The following PTGIS variants were observed in gnomAD, a reference collection of about 807,000 sequenced individuals.
PTGIS encodes the protein prostaglandin I2 synthase.
In PTGIS, 45 loss-of-function variants were observed where a neutral mutation model predicts 50.3. That is an observed-to-expected ratio of 0.90 (90% CI 0.70 to 1.15). The LOEUF (loss-of-function observed/expected upper bound fraction) is 1.15, where lower values mean the gene tolerates loss of function less well. Among genes scored for constraint, PTGIS ranks in the 50% most tolerant of loss-of-function variants. The pLI, the probability that PTGIS is intolerant of heterozygous loss-of-function variation, is 0.00. For synonymous variants in PTGIS, 260 were observed against 267.7 expected (o/e 0.97, Z 0.28); for missense variants, 668 against 661.3 (o/e 1.01, Z -0.11).
chr20:49,559,581 T>C (rs1982712943), intron 1 of PTGIS, among the ~76,000 whole-genome samples: 1 of 152,168 alleles, frequency 6.6e-6, no homozygotes, highest in Non-Finnish European at 1.5e-5. Context: ...ATAAACAGAA[T>C]GTGGTGTATC....
At position 49,508,081 on chromosome 20, in the gene PTGIS, T is replaced by C. The variant is rs1443928900; in HGVS notation, c.1359-17A>G. The C allele has an allele frequency of 6.2e-6, 10 of 1,613,090 alleles. No homozygotes were observed. The highest frequency in any genetic ancestry group is 3.3e-5 in the Admixed American group (2 of 59,992). On this transcript the variant is annotated splice_polypyrimidine_tract_variant and intron_variant, in intron 9 of 9. Transcript: ENST00000244043. ...AACACAAATCTGCAGAGAGATGGCA[T>C]GGAAGGTGTGAAGGAGAGGAGTAGG...
intron 1 of PTGIS, among the ~76,000 whole-genome samples, chr20:49,567,461 G>A (rs1982928603): frequency 6.6e-6 from 1 of 152,186 alleles, no homozygotes; most frequent in African/African-American, 2.4e-5. Flanking sequence ...TCTTCCAGAC[G>A]GGGAATCCCG....
In PTGIS at chr20:49,513,084, G is replaced by A. The variant is rs774234578; in HGVS notation, c.1202C>T (p.Pro401Leu). 2.5e-6 allele frequency: 4 copies of A among 1,614,136 alleles called. No homozygotes were observed. In the South Asian group the frequency reaches 4.4e-5, roughly 18 times the overall value. Residue 401 changes from proline (P) to leucine (L), a missense_variant, in exon 8 of 10, where the codon CCA (proline) becomes CTA (leucine). Pro to Leu is a moderately conservative substitution (Grantham distance 98, BLOSUM62 -3). Coordinates refer to ENST00000244043, the MANE Select transcript of PTGIS (RefSeq NM_000961.4). ...PQRDPEIYTD[P>L]EVFKYNRFLN... ...CCAGGCGCCCCTGCCATTTACCTCT[G>A]GGTCTGTGTAGATTTCTGGGTCTCT...
At chr20:49,531,032 TACA>T (rs1981921816) in intron 5 of PTGIS, among the ~76,000 whole-genome samples, 1 of 152,228 alleles carries the variant, frequency 6.6e-6, no homozygotes, top group African/African-American at 2.4e-5. Context: ...GTGTTGGGAT[TACA>T]GGTGTGAGCC....
At chr20:49,512,090 T>C (rs1981335822) in intron 8 of PTGIS, among the ~76,000 whole-genome samples, 2 of 151,780 alleles carry the variant, frequency 1.3e-5, no homozygotes, top group African/African-American at 4.8e-5. Context: ...GATGATTGAA[T>C]GGACAGACGG....
In PTGIS at chr20:49,513,169, G is replaced by T. The variant is rs5629; in HGVS notation, c.1117C>A (p.Arg373=). The change falls in exon 8 of 10, where the codon CGA becomes AGA. Residue 373 remains arginine, a synonymous_variant. Coordinates refer to ENST00000244043, the MANE Select transcript of PTGIS (RefSeq NM_000961.4). The part of the protein sequence containing the change: ...VDLAMPMADG[R]EFNLRRGDRL... ...TCACCACGTCGCAGGTTGAATTCTC[G>T]CCCGTCTGCCATGGGCATGGCCAGG... 0.24 allele frequency: 390,404 copies of T among 1,613,868 alleles called. 48,620 individuals carry two copies. Among genetic ancestry groups the T allele is most frequent in the Middle Eastern group, 0.36 (2,198 of 6,062 alleles).
intron 9 of PTGIS, among the ~76,000 whole-genome samples, chr20:49,510,412 G>A (rs1267287960): frequency 6.6e-6 from 1 of 152,140 alleles, no homozygotes; most frequent in Non-Finnish European, 1.5e-5. Context: ...AACTTAGAAA[G>A]ATCCAATTCA....
chr20:49,547,597 G>A lies in PTGIS; in HGVS notation c.377+244C>T, dbSNP rs142275084. 1.4e-3 allele frequency among the ~76,000 whole-genome samples: 204 copies of A among 146,146 alleles called. 7 individuals are homozygous for A. Among genetic ancestry groups the A allele is most frequent in the African/African-American group, 5.4e-3 (196 of 36,206 alleles). On this transcript the variant is annotated intron_variant, in intron 3 of 9. Transcript: ENST00000244043. The stretch of plus-strand genomic sequence containing the variant: ...CCTGGTCTCCTCCTACTAAAATCAG[G>A]GCTGCCTCCAAACAAACAAACAAAC...
In PTGIS at chr20:49,539,549, TG is replaced by T; in HGVS notation, c.673+20del. ...TCTTTCCATCCTCCCCCCCACCCAC[TG>T]GGGCCCCCATGGTGCTTACCCACTG... On this transcript the variant is annotated intron_variant, in intron 5 of 9. Transcript: ENST00000244043. The T allele has an allele frequency of 6.2e-7, 1 of 1,611,300 alleles. No individual in the cohort carries two copies. Among genetic ancestry groups the T allele is most frequent in the Admixed American group, 1.7e-5 (1 of 59,798 alleles).
intron 1 of PTGIS, among the ~76,000 whole-genome samples, chr20:49,563,608 T>G (rs764813388): frequency 1.3e-5 from 2 of 152,216 alleles, no homozygotes; most frequent in Admixed American, 6.5e-5. Flanking sequence ...TAGATTTTTG[T>G]GTATGGAATC....
chr20:49,521,342 C>G (rs753182184), intron 6 of PTGIS, among the ~76,000 whole-genome samples: 2 of 152,164 alleles, frequency 1.3e-5, no homozygotes, highest in Non-Finnish European at 2.9e-5. Flanking sequence ...GCCAAGTACC[C>G]TCTTGGCTCC....
intron 8 of PTGIS, among the ~76,000 whole-genome samples, chr20:49,511,854 G>A (rs1314222806): frequency 6.6e-6 from 1 of 152,016 alleles, no homozygotes; most frequent in Non-Finnish European, 1.5e-5. Flanking sequence ...ATGGATAGAT[G>A]GATGGATGGG....
intron 5 of PTGIS, among the ~76,000 whole-genome samples, chr20:49,535,648 G>T (rs1476192161): frequency 6.6e-6 from 1 of 152,172 alleles, no homozygotes; most frequent in Non-Finnish European, 1.5e-5. Flanking sequence ...CCAAGTAGGT[G>T]GGATTACAGG....
intron 5 of PTGIS, among the ~76,000 whole-genome samples, chr20:49,524,611 T>C (rs1180328070): frequency 6.6e-6 from 1 of 152,194 alleles, no homozygotes; most frequent in African/African-American, 2.4e-5. Flanking sequence ...GGGTAATTTA[T>C]TTATTTATTT....
Position 49,547,002 on chromosome 20 carries a change from C to T in PTGIS, c.377+839G>A, listed in dbSNP as rs151162450. The stretch of plus-strand genomic sequence containing the variant: ...ATCCCAGCACTTTGGGAAGCTGAGG[C>T]GGGCAGACCACCTGAGGTCAGGAGT... On this transcript the variant is annotated intron_variant, in intron 3 of 9. Coordinates refer to ENST00000244043, the MANE Select transcript of PTGIS (RefSeq NM_000961.4). 1.8e-3 allele frequency among the ~76,000 whole-genome samples: 280 copies of T among 152,336 alleles called. 1 individual carries two copies. The highest frequency in any genetic ancestry group is 2.7e-3 in the Non-Finnish European group (185 of 68,026).
rs773499928 is a variant in PTGIS, at chr20:49,514,307, C to T, written c.944G>A (p.Ser315Asn). The change falls in exon 7 of 10, where the codon AGT (serine) becomes AAT (asparagine). Residue 315 changes from serine to asparagine, a missense_variant. By Grantham distance (46) the Ser-to-Asn change is conservative. Coordinates refer to ENST00000244043, the MANE Select transcript of PTGIS (RefSeq NM_000961.4). Reference sequence around the variant, plus strand: ...AGGCTGCTCCGCTTGCCAAAGGATACTCTCGAGCTCTCCGCGGACAGCAGC... The same window carrying T: ...AGGCTGCTCCGCTTGCCAAAGGATATTCTCGAGCTCTCCGCGGACAGCAGC... ...ALAAVRGELESILWQAEQPVS... is the reference protein window; with the variant it reads ...ALAAVRGELENILWQAEQPVS... 1.2e-6 allele frequency: 2 copies of T among 1,614,158 alleles called. No individual in the cohort carries two copies. Among genetic ancestry groups the T allele is most frequent in the Non-Finnish European group, 1.7e-6 (2 of 1,180,044 alleles).
Position 49,544,385 on chromosome 20 carries a change from C to T in PTGIS, c.441G>A (p.Val147=), listed in dbSNP as rs998353844. The change falls in exon 4 of 10, where the codon GTG becomes GTA. Residue 147 remains valine (V), a synonymous_variant. Transcript: ENST00000244043. ...CTGCTTCTGTAGCATCGCCCAACAG[C>T]ACTGCATGGAGGTTGGTATACATGG... is the stretch of plus-strand genomic sequence containing the variant. ...TEAMYTNLHA[V]LLGDATEAGS... 8 of 1,614,004 alleles carry T rather than the reference C, an allele frequency of 5.0e-6. No homozygotes were observed. The highest frequency in any genetic ancestry group is 6.8e-6 in the Non-Finnish European group (8 of 1,180,020).
intron 5 of PTGIS, among the ~76,000 whole-genome samples, chr20:49,532,674 C>T (rs1981964072): frequency 6.6e-6 from 1 of 152,214 alleles, no homozygotes; most frequent in South Asian, 2.1e-4. Context: ...TCATGAATTG[C>T]TTCTTTAATT....
At position 49,540,501 on chromosome 20, in the gene PTGIS, G is replaced by A. The variant is rs1321535336; in HGVS notation, c.522-780C>T. Among the ~76,000 whole-genome samples, 1 of 152,134 alleles carries A rather than the reference G, an allele frequency of 6.6e-6. No individual in the cohort carries two copies. Among genetic ancestry groups the A allele is most frequent in the Non-Finnish European group, 1.5e-5 (1 of 67,998 alleles). On this transcript the variant is annotated intron_variant, in intron 4 of 9. Coordinates refer to ENST00000244043, the MANE Select transcript of PTGIS (RefSeq NM_000961.4). This position sits in a 1 kb window ranked among gnomAD's most constrained non-coding sequence, Gnocchi z 4.8. ...AGGATGGGAGGGCCTGGGCTGTCAG[G>A]GCTGGCCACGCAAGGCAGGCATTTG...
Sources: allele counts gnomAD v4.1 joint callset (sites outside exome capture counted in the v4.1 genomes callset), GRCh38; gene constraint gnomAD v4.1.1; non-coding constraint Gnocchi (gnomAD v3.1); transcripts MANE v1.5; gene names NCBI Gene and HGNC (gene_info 2026-07-23, HGNC 2026-07-21).